ATP6V1H: variants seen among roughly 807,000 people sequenced by gnomAD.
ATP6V1H encodes ATPase H+ transporting V1 subunit H.
Under a neutral mutation model 71.7 loss-of-function variants are expected in ATP6V1H, and 39 were observed. The observed-to-expected ratio is 0.54, with a 90% confidence interval of 0.42 to 0.71. ATP6V1H has a LOEUF of 0.71. Ranked by LOEUF, ATP6V1H falls within the 30% of genes least tolerant of loss-of-function variation. ATP6V1H has a pLI of 0.00. For synonymous variants in ATP6V1H, 192 were observed against 199.3 expected, an observed-to-expected ratio of 0.96 and a Z score of 0.31; for missense variants, 509 against 594.9, an observed-to-expected ratio of 0.86 and a Z score of 1.50.
chr8:53,753,548 G>A (rs1308900113), intron 12 of ATP6V1H, among the ~76,000 whole-genome samples: 2 of 152,248 alleles, frequency 1.3e-5, no homozygotes, highest in Admixed American at 1.3e-4. Context: ...AGCTGAGGCA[G>A]TGCTGTGAGA....
intron 7 of ATP6V1H, 34 bp downstream of exon 7, chr8:53,811,130 G>C: frequency 6.3e-7 from 1 of 1,587,526 alleles, no homozygotes; most frequent in Non-Finnish European, 8.6e-7. Context: ...AATTTATTTT[G>C]GGGATGTTTA....
chr8:53,731,934 C>G (rs1807040960), intron 13 of ATP6V1H, among the ~76,000 whole-genome samples: 1 of 152,192 alleles, frequency 6.6e-6, no homozygotes, highest in South Asian at 2.1e-4. Context: ...CATGGCAGTC[C>G]CCCACGGAGG....
At chr8:53,831,748 T>C (rs77858526) in intron 3 of ATP6V1H, 3 of 109,490 alleles carry the variant, frequency 2.7e-5, no homozygotes, top group Non-Finnish European at 5.6e-5. Context: ...AATTACACTC[T>C]TTTTTTTTTT....
chr8:53,798,717 T>C (rs1237812947), intron 8 of ATP6V1H, among the ~76,000 whole-genome samples: 2 of 152,194 alleles, frequency 1.3e-5, no homozygotes, highest in Non-Finnish European at 2.9e-5. Context: ...AATGACTTTT[T>C]GAAATTGCTA....
In ATP6V1H at chr8:53,821,701, G is replaced by GA. The variant is rs200003459; in HGVS notation, c.307-4172dup. 2.3e-3 allele frequency among the ~76,000 whole-genome samples: 342 copies of GA among 149,152 alleles called. 2 individuals carry two copies. Among genetic ancestry groups the GA allele is most frequent in the African/African-American group, 8.0e-3 (325 of 40,636 alleles). On this transcript the variant is annotated intron_variant, in intron 4 of 13. Transcript: ENST00000359530. ...GACCATGCATCAAAGAAAAAAAGAA[G>GA]AAAAAAAAATGGTACTCTTGAGTGA...
intron 8 of ATP6V1H, among the ~76,000 whole-genome samples, chr8:53,799,132 C>T (rs543810341): frequency 1.3e-5 from 2 of 152,094 alleles, no homozygotes; most frequent in East Asian, 1.9e-4. Context: ...TTCATTTTAT[C>T]TTACAATAAC....
At chr8:53,798,173 T>G (rs1370453821) in intron 8 of ATP6V1H, among the ~76,000 whole-genome samples, 1 of 152,214 alleles carries the variant, frequency 6.6e-6, no homozygotes, top group Non-Finnish European at 1.5e-5. Context: ...ATAGGCTTTT[T>G]AACAACAATA....
At chr8:53,736,201 C>T (rs1807197627) in intron 13 of ATP6V1H, among the ~76,000 whole-genome samples, 2 of 152,146 alleles carry the variant, frequency 1.3e-5, no homozygotes, top group African/African-American at 4.8e-5. Flanking sequence ...CCCCACTGTA[C>T]ACATACTACT....
chr8:53,723,405 C>G (rs546854391), intron 13 of ATP6V1H, among the ~76,000 whole-genome samples: 21 of 152,256 alleles, frequency 1.4e-4, no homozygotes, highest in Non-Finnish European at 2.6e-4. Flanking sequence ...TGGTCTTTTC[C>G]CTCTAGTCTT....
intron 13 of ATP6V1H, among the ~76,000 whole-genome samples, chr8:53,735,232 G>C (rs1372490731): frequency 6.6e-6 from 1 of 152,090 alleles, no homozygotes; most frequent in Non-Finnish European, 1.5e-5. Flanking sequence ...TGGGTGGGTG[G>C]AGGCTTATCC....
At chr8:53,791,823 C>T (rs1285394940) in intron 9 of ATP6V1H, among the ~76,000 whole-genome samples, 2 of 152,172 alleles carry the variant, frequency 1.3e-5, no homozygotes, top group Non-Finnish European at 2.9e-5. Flanking sequence ...CGTCGACTGT[C>T]TTCACCAAAC....
chr8:53,772,915 AAAAAAAAC>A (rs1278425540), intron 9 of ATP6V1H, among the ~76,000 whole-genome samples: 1 of 151,664 alleles, frequency 6.6e-6, no homozygotes, highest in African/African-American at 2.4e-5. Context: ...AAAAAAAAAA[AAAAAAAAC>A]AAAACAGTAA....
chr8:53,789,114 T>C (rs944589214), intron 9 of ATP6V1H, among the ~76,000 whole-genome samples: 2 of 152,168 alleles, frequency 1.3e-5, no homozygotes, highest in African/African-American at 4.8e-5. Context: ...AGAGGAAGAA[T>C]GGGAGAGAAA....
intron 7 of ATP6V1H, 133 bp downstream of exon 7, chr8:53,811,031 T>C (rs1219170113): frequency 1.0e-5 from 6 of 600,416 alleles, no homozygotes; most frequent in African/African-American, 1.9e-5. Flanking sequence ...TAGTTTATAA[T>C]ACAATTAACC....
chr8:53,830,900 C>A (rs988186366), intron 3 of ATP6V1H, among the ~76,000 whole-genome samples: 1 of 152,092 alleles, frequency 6.6e-6, no homozygotes, highest in African/African-American at 2.4e-5. Flanking sequence ...ATTGCACATG[C>A]GGTTGGGGTG....
At chr8:53,800,085 T>A (rs1265213021) in intron 8 of ATP6V1H, among the ~76,000 whole-genome samples, 3 of 152,266 alleles carry the variant, frequency 2.0e-5, no homozygotes, top group Non-Finnish European at 4.4e-5. Context: ...CAGAGCTGAG[T>A]CTCTGATGGG....
intron 12 of ATP6V1H, among the ~76,000 whole-genome samples, chr8:53,744,879 C>T (rs997716540): frequency 1.2e-4 from 19 of 152,052 alleles, no homozygotes; most frequent in Non-Finnish European, 2.9e-5. Flanking sequence ...GTAAATTCCT[C>T]CCTGACAAAT....
At chr8:53,842,975 G>GC (rs1247170274) in intron 1 of ATP6V1H, 59 bp downstream of exon 1, 7 of 152,420 alleles carry the variant, frequency 4.6e-5, no homozygotes, top group African/African-American at 1.7e-4. Context: ...TGGAGAAACT[G>GC]CAAGAGTCGC....
intron 8 of ATP6V1H, among the ~76,000 whole-genome samples, chr8:53,800,795 T>C (rs1280569796): frequency 1.3e-5 from 2 of 152,222 alleles, no homozygotes; most frequent in African/African-American, 2.4e-5. Context: ...TTTCTAATAG[T>C]TGTTTTTCAC....
Sources: gnomAD v4.1 joint callset for allele counts (sites outside exome capture counted in the v4.1 genomes callset) on GRCh38, gnomAD v4.1.1 for gene constraint, MANE v1.5 for transcripts, NCBI Gene and HGNC (gene_info 2026-07-23, HGNC 2026-07-21) for gene names.